Variants in SH3GL2 observed in about 807,000 individuals in gnomAD.
The protein encoded by SH3GL2 is endophilin-A1.
Under a neutral mutation model 46.0 loss-of-function variants are expected in SH3GL2, and 24 were observed. The observed-to-expected ratio is 0.52, with a 90% CI of 0.38 to 0.73. The LOEUF (loss-of-function observed/expected upper bound fraction) is 0.73. SH3GL2 is among the 30% of genes least tolerant of loss of function. The pLI is 0.00. For synonymous variants in SH3GL2, 196 were observed against 147.1 expected, an observed-to-expected ratio of 1.33 and a Z score of -2.40; for missense variants, 413 against 424.2, an observed-to-expected ratio of 0.97 and a Z score of 0.23.
intron 2 of SH3GL2, among the ~76,000 whole-genome samples, chr9:17,754,828 T>C (rs1037837906): frequency 2.0e-4 from 31 of 152,230 alleles, no homozygotes; most frequent in African/African-American, 7.2e-4. Context: ...TTTTTGAACA[T>C]TGATTTTGTA....
chr9:17,704,043 C>A (rs1452582612), intron 1 of SH3GL2, among the ~76,000 whole-genome samples: 1 of 152,026 alleles, frequency 6.6e-6, no homozygotes, highest in Non-Finnish European at 1.5e-5. Flanking sequence ...TAGAAAATCC[C>A]ATAGTCTCTG....
At chr9:17,760,025 A>G (rs1192638737) in intron 2 of SH3GL2, among the ~76,000 whole-genome samples, 2 of 152,182 alleles carry the variant, frequency 1.3e-5, no homozygotes, top group African/African-American at 2.4e-5. Context: ...GAATTTTGCT[A>G]ATACTAGGAC....
intron 1 of SH3GL2, among the ~76,000 whole-genome samples, chr9:17,656,867 T>C (rs906234113): frequency 2.0e-5 from 3 of 151,822 alleles, no homozygotes; most frequent in East Asian, 3.9e-4. Flanking sequence ...GTACACAATT[T>C]AGGAAAATGG....
At chr9:17,618,793 T>TTGTGTGTGTG (rs149930816) in intron 1 of SH3GL2, among the ~76,000 whole-genome samples, 13 of 149,592 alleles carry the variant, frequency 8.7e-5, no homozygotes, top group African/African-American at 2.5e-4. Context: ...TTGGCTTATT[T>TTGTGTGTGTG]TGTGTGTGTG....
chr9:17,735,832 G>T (rs569087192), intron 1 of SH3GL2: 2 of 574,228 alleles, frequency 3.5e-6, no homozygotes, highest in African/African-American at 4.0e-5. Context: ...TGGGATTCAG[G>T]GACATTACTC....
At chr9:17,668,055 G>A (rs1451070764) in intron 1 of SH3GL2, among the ~76,000 whole-genome samples, 1 of 152,066 alleles carries the variant, frequency 6.6e-6, no homozygotes, top group Admixed American at 6.5e-5. Flanking sequence ...AGATATATGA[G>A]CTGCAAATAT....
chr9:17,614,862 C>G (rs1391233632), intron 1 of SH3GL2, among the ~76,000 whole-genome samples: 3 of 152,172 alleles, frequency 2.0e-5, no homozygotes, highest in East Asian at 1.9e-4. Flanking sequence ...GATGGAAACA[C>G]TAGCATAGGA....
At chr9:17,650,400 C>G (rs895692455) in intron 1 of SH3GL2, among the ~76,000 whole-genome samples, 19 of 152,110 alleles carry the variant, frequency 1.2e-4, no homozygotes, top group African/African-American at 4.1e-4. Context: ...AAGACGGAGT[C>G]TCGCTCTGTC....
At chr9:17,749,519 G>A (rs1161284263) in intron 2 of SH3GL2, among the ~76,000 whole-genome samples, 1 of 152,136 alleles carries the variant, frequency 6.6e-6, no homozygotes, top group Non-Finnish European at 1.5e-5. Flanking sequence ...GAAAGATTAG[G>A]CAGGTATTTA....
chr9:17,678,429 T>A (rs1237942861), intron 1 of SH3GL2, among the ~76,000 whole-genome samples: 2 of 152,250 alleles, frequency 1.3e-5, no homozygotes, highest in African/African-American at 4.8e-5. Context: ...TGCATAAATG[T>A]CTTCTTTTGA....
chr9:17,677,853 C>T (rs1025503145), intron 1 of SH3GL2, among the ~76,000 whole-genome samples: 8 of 151,114 alleles, frequency 5.3e-5, no homozygotes, highest in African/African-American at 1.9e-4. Flanking sequence ...TTGTTCAATT[C>T]CCACCTTTGA....
At chr9:17,666,817 T>C (rs566674029) in intron 1 of SH3GL2, among the ~76,000 whole-genome samples, 2 of 152,242 alleles carry the variant, frequency 1.3e-5, no homozygotes, top group Admixed American at 6.5e-5. Context: ...TAAGTACTTT[T>C]GTTAGATTTG....
chr9:17,586,843 G>T (rs1818386320), intron 1 of SH3GL2, among the ~76,000 whole-genome samples: 1 of 152,198 alleles, frequency 6.6e-6, no homozygotes, highest in Admixed American at 6.5e-5. Flanking sequence ...TTTGGGTGGG[G>T]ACACAGCCAA....
intron 1 of SH3GL2, among the ~76,000 whole-genome samples, chr9:17,621,193 G>A (rs2134601575): frequency 6.6e-6 from 1 of 152,268 alleles, no homozygotes; most frequent in South Asian, 2.1e-4. Context: ...TGTATAGATT[G>A]TTGCCATTTT....
At chr9:17,769,105 G>A (rs1377934879) in intron 3 of SH3GL2, among the ~76,000 whole-genome samples, 5 of 152,288 alleles carry the variant, frequency 3.3e-5, no homozygotes, top group African/African-American at 4.8e-5. Context: ...CACCTAATTT[G>A]TGCAGCTTTC....
intron 1 of SH3GL2, among the ~76,000 whole-genome samples, chr9:17,732,230 A>C (rs1347680102): frequency 7.4e-6 from 1 of 135,140 alleles, no homozygotes; most frequent in Non-Finnish European, 1.5e-5. Flanking sequence ...GTTGTTGCTA[A>C]TTACTCTTTT....
chr9:17,631,899 G>A (rs73645107), intron 1 of SH3GL2, among the ~76,000 whole-genome samples: 50 of 152,238 alleles, frequency 3.3e-4, no homozygotes, highest in African/African-American at 1.1e-3. Context: ...CCTAAAAAAT[G>A]TCAATACTTT....
chr9:17,721,614 C>T (rs1297502210), intron 1 of SH3GL2, among the ~76,000 whole-genome samples: 1 of 151,738 alleles, frequency 6.6e-6, no homozygotes, highest in Non-Finnish European at 1.5e-5. Flanking sequence ...ACCATTCCAC[C>T]TAAAGAAAAA....
At chr9:17,601,920 G>A (rs1335014090) in intron 1 of SH3GL2, among the ~76,000 whole-genome samples, 1 of 152,174 alleles carries the variant, frequency 6.6e-6, no homozygotes. Flanking sequence ...AAGAGAAATG[G>A]TCAAGCTTGG....
Sources: allele counts gnomAD v4.1 joint callset (sites outside exome capture counted in the v4.1 genomes callset), GRCh38; gene constraint gnomAD v4.1.1; transcripts MANE v1.5; gene names NCBI Gene and HGNC (gene_info 2026-07-23, HGNC 2026-07-21).